ABCG2: variants seen among roughly 807,000 people sequenced by gnomAD.
ABCG2 encodes broad substrate specificity ATP-binding cassette transporter ABCG2.
In ABCG2, 80 loss-of-function variants were observed where a neutral mutation model predicts 73.5. That is an observed-to-expected ratio of 1.09 (90% CI 0.91 to 1.31). The LOEUF (loss-of-function observed/expected upper bound fraction) is 1.31, where lower values mean the gene tolerates loss of function less well. Among genes scored for constraint, ABCG2 ranks in the 50% most tolerant of loss-of-function variants. ABCG2 has a pLI of 0.00. For missense variants in ABCG2, 796 were observed against 786.2 expected (o/e 1.01, Z -0.15); for synonymous variants, 269 against 282.4 (o/e 0.95, Z 0.48).
intron 11 of ABCG2, among the ~76,000 whole-genome samples, chr4:88,100,130 T>A (rs542496734): frequency 6.6e-6 from 1 of 151,018 alleles, no homozygotes; most frequent in Non-Finnish European, 1.5e-5. Context: ...GAAAATGTGA[T>A]CCATCCTTGA....
At chr4:88,219,106 C>T (rs1385073554) in intron 1 of ABCG2, among the ~76,000 whole-genome samples, 1 of 152,224 alleles carries the variant, frequency 6.6e-6, no homozygotes, top group East Asian at 1.9e-4. Context: ...CTTCTCACTC[C>T]ACTATCACGG....
intron 2 of ABCG2, among the ~76,000 whole-genome samples, chr4:88,137,901 C>A (rs1461017311): frequency 4.6e-5 from 7 of 152,090 alleles, no homozygotes; most frequent in Admixed American, 3.9e-4. Context: ...ATGCTTATAA[C>A]CCCAGTGCTT....
At chr4:88,183,846 T>C (rs1283316762) in intron 1 of ABCG2, among the ~76,000 whole-genome samples, 2 of 152,072 alleles carry the variant, frequency 1.3e-5, no homozygotes, top group Non-Finnish European at 2.9e-5. Flanking sequence ...CAACAATACA[T>C]TGAAAACATC....
intron 1 of ABCG2, among the ~76,000 whole-genome samples, chr4:88,150,540 G>T (rs1475842783): frequency 2.6e-5 from 4 of 152,212 alleles, no homozygotes; most frequent in African/African-American, 7.2e-5. Context: ...TCTGAGTGAA[G>T]AAATGATATC....
chr4:88,189,666 A>G (rs779862268), intron 1 of ABCG2, among the ~76,000 whole-genome samples: 1 of 152,222 alleles, frequency 6.6e-6, no homozygotes, highest in Non-Finnish European at 1.5e-5. Context: ...TTTTCAACAT[A>G]GAAGATTACA....
intron 7 of ABCG2, among the ~76,000 whole-genome samples, chr4:88,115,983 C>T (rs1214035684): frequency 6.6e-6 from 1 of 152,080 alleles, no homozygotes; most frequent in African/African-American, 2.4e-5. Context: ...CCACTTGAGC[C>T]CAGGACTTCC....
rs576270586 is a variant in ABCG2, at chr4:88,153,393, T to C, written c.-20+4993A>G. On this transcript the variant is annotated intron_variant, in intron 1 of 15. Coordinates refer to ENST00000237612, the MANE Select transcript of ABCG2 (RefSeq NM_004827.3). The stretch of plus-strand genomic sequence containing the variant: ...TATACAGGAGCTCAAATGGGCTGTA[T>C]TTTGTCGCATTCCGAAGACAGGCCC... Among the ~76,000 whole-genome samples, 566 of 152,164 alleles carry C rather than the reference T, an allele frequency of 3.7e-3. 4 individuals are homozygous for C. Among genetic ancestry groups the C allele is most frequent in the African/African-American group, 0.013 (532 of 41,524 alleles).
At position 88,139,924 on chromosome 4, in the gene ABCG2, A is replaced by C. The variant is rs1725509935; in HGVS notation, c.72T>G (p.Ala24=). The C allele has an allele frequency of 1.2e-6, 2 of 1,614,152 alleles. No individual in the cohort carries two copies. The highest frequency in any genetic ancestry group is 1.7e-6 in the Non-Finnish European group (2 of 1,180,010). ...CAGTAAATGCCTTCAGGTCATTGGAAGCTGTCGCGGGGAAGCCATTGGTGT... is the reference window on the plus strand; with the variant it reads ...CAGTAAATGCCTTCAGGTCATTGGACGCTGTCGCGGGGAAGCCATTGGTGT... ...QGNTNGFPAT[A]SNDLKAFTEG... The change falls in exon 2 of 16, where the codon GCT becomes GCG. Residue 24 remains alanine (A), a synonymous_variant. Coordinates refer to ENST00000237612, the MANE Select transcript of ABCG2 (RefSeq NM_004827.3).
chr4:88,111,820 G>A (rs1723151751), intron 9 of ABCG2, among the ~76,000 whole-genome samples: 1 of 152,156 alleles, frequency 6.6e-6, no homozygotes, highest in South Asian at 2.1e-4. Context: ...GCCAGGCATG[G>A]TGGCTCACAC....
chr4:88,144,448 A>G, intron 1 of ABCG2, among the ~76,000 whole-genome samples: 1 of 49,198 alleles, frequency 2.0e-5, no homozygotes, highest in East Asian at 5.7e-4. Context: ...CCACATTTTT[A>G]CTTTTTTTTT....
chr4:88,196,913 C>G (rs761744613), intron 1 of ABCG2, among the ~76,000 whole-genome samples: 2 of 152,048 alleles, frequency 1.3e-5, no homozygotes, highest in Non-Finnish European at 2.9e-5. Flanking sequence ...TTATCAGAGG[C>G]TAACCTATTG....
At chr4:88,223,996 T>C (rs1730105923) in intron 1 of ABCG2, among the ~76,000 whole-genome samples, 1 of 152,192 alleles carries the variant, frequency 6.6e-6, no homozygotes, top group Non-Finnish European at 1.5e-5. Flanking sequence ...TATTAGCCAT[T>C]TATATATTTT....
chr4:88,217,973 TAAAAAAA>T (rs34088003), intron 1 of ABCG2, among the ~76,000 whole-genome samples: 1 of 139,752 alleles, frequency 7.2e-6, no homozygotes. Context: ...TTCTAAAAAT[TAAAAAAA>T]AAAAAAAAAA....
chr4:88,191,125 G>C (rs1728672068), intron 1 of ABCG2, among the ~76,000 whole-genome samples: 1 of 149,544 alleles, frequency 6.7e-6, no homozygotes, highest in African/African-American at 2.5e-5. Flanking sequence ...GGTGCCTGTA[G>C]TCCCAGCTAT....
intron 2 of ABCG2, among the ~76,000 whole-genome samples, chr4:88,133,739 T>C (rs545518168): frequency 9.2e-5 from 14 of 152,328 alleles, no homozygotes; most frequent in Non-Finnish European, 7.3e-5. Flanking sequence ...GGCTCATGCC[T>C]GTAATCCCAG....
chr4:88,175,663 T>A (rs76959228), intron 1 of ABCG2, among the ~76,000 whole-genome samples: 1 of 152,232 alleles, frequency 6.6e-6, no homozygotes, highest in South Asian at 2.1e-4. Context: ...GTTACTCTTA[T>A]TGATTCCCAA....
At chr4:88,198,999 C>T (rs1440356631) in intron 1 of ABCG2, among the ~76,000 whole-genome samples, 11 of 151,956 alleles carry the variant, frequency 7.2e-5, no homozygotes, top group Non-Finnish European at 1.5e-4. Context: ...GACAGAATCT[C>T]GCTGTGTCAC....
At chr4:88,164,774 G>C (rs971721512) in intron 1 of ABCG2, among the ~76,000 whole-genome samples, 1 of 152,134 alleles carries the variant, frequency 6.6e-6, no homozygotes, top group Non-Finnish European at 1.5e-5. Flanking sequence ...TGGATTTTTT[G>C]TTGTTGTTGT....
At chr4:88,158,907 C>T (rs898618285), upstream of ABCG2, 1 of 343,076 alleles carries the variant, frequency 2.9e-6, no homozygotes, top group Non-Finnish European at 5.6e-6. Context: ...CAGAGCTGAA[C>T]GCAGTGGCCC....
Sources: allele counts gnomAD v4.1 joint callset (sites outside exome capture counted in the v4.1 genomes callset), GRCh38; gene constraint gnomAD v4.1.1; transcripts MANE v1.5; gene names NCBI Gene and HGNC (gene_info 2026-07-23, HGNC 2026-07-21).